PLAGL1: variants seen among roughly 807,000 people sequenced by gnomAD.
The protein encoded by PLAGL1 is zinc finger protein PLAGL1.
In PLAGL1, 1 loss-of-function variant was observed where a neutral mutation model predicts 4.6. The observed-to-expected ratio is 0.22, with a 90% CI of 0.08 to 1.03. The LOEUF (loss-of-function observed/expected upper bound fraction) is 1.03, where lower values mean the gene tolerates loss of function less well. PLAGL1 is among the 50% of genes least tolerant of loss of function. The pLI is 0.58. For missense variants in PLAGL1, 464 were observed against 570.4 expected (o/e 0.81, Z 1.90); for synonymous variants, 240 against 237.8 (o/e 1.01, Z -0.08).
intron 1 of PLAGL1, among the ~76,000 whole-genome samples, chr6:144,049,143 C>A (rs1350354970): frequency 6.6e-6 from 1 of 152,216 alleles, no homozygotes; most frequent in Non-Finnish European, 1.5e-5. Context: ...TGCTCCAGTT[C>A]CCAAGACTTT....
At position 143,962,643 on chromosome 6, in the gene PLAGL1, C is replaced by G. The variant is rs999814009; in HGVS notation, c.-398-2101G>C. ...CTTCTGAGAACAGCATTTAAGAACC[C>G]GTCTTTTTCTCTCTTAATGAACTGG... On this transcript the variant is annotated intron_variant, in intron 5 of 7. Transcript: ENST00000674357. The surrounding 1 kb of genome is among the most constrained non-coding windows in gnomAD (Gnocchi z 5.3). Among the ~76,000 whole-genome samples the G allele has an allele frequency of 1.3e-5, 2 of 152,174 alleles. No homozygotes were observed. Among genetic ancestry groups the G allele is most frequent in the Admixed American group, 6.5e-5 (1 of 15,272 alleles).
chr6:143,960,925 T>C lies in PLAGL1; in HGVS notation c.-398-383A>G, dbSNP rs1425022899. On this transcript the variant is annotated intron_variant, in intron 5 of 7. Coordinates refer to ENST00000674357, the MANE Select transcript of PLAGL1 (RefSeq NM_001317162.2). This position sits in a 1 kb window ranked among gnomAD's most constrained non-coding sequence, Gnocchi z 5.7. ...AACAGAACCTAAAACAAATTCTGAATTGAAAGAAAGTCAGCAAATAACCAG... is the reference window on the plus strand; with the variant it reads ...AACAGAACCTAAAACAAATTCTGAACTGAAAGAAAGTCAGCAAATAACCAG... 1 of 152,192 alleles carries C rather than the reference T, an allele frequency of 6.6e-6. No homozygotes were observed. Among genetic ancestry groups the C allele is most frequent in the Non-Finnish European group, 1.5e-5 (1 of 68,032 alleles). 9.4% of individuals were successfully genotyped at this position (152,192 alleles called of 1,614,324 possible).
At position 144,022,242 on chromosome 6, in the gene PLAGL1, C is replaced by G. The variant is rs894039812; in HGVS notation, c.-151+42226G>C. On this transcript the variant is annotated intron_variant, in intron 1 of 3. Coordinates refer to the PLAGL1 transcript ENST00000437412. This position sits in a 1 kb window ranked among gnomAD's most constrained non-coding sequence, Gnocchi z 4.2. ...AAAGATGGGCAAAGATCTGAACAGA[C>G]AGCTCACCAGAGGAGATATGTAGAT... 1.3e-5 allele frequency among the ~76,000 whole-genome samples: 2 copies of G among 152,150 alleles called. No individual in the cohort carries two copies. The highest frequency in any genetic ancestry group is 2.4e-5 in the African/African-American group (1 of 41,424).
At position 143,992,371 on chromosome 6, in the gene PLAGL1, G is replaced by A. The variant is rs142225392; in HGVS notation, c.-583-7197C>T. The stretch of plus-strand genomic sequence containing the variant: ...CATAGTCTTCTGCAAGTCCACAGTG[G>A]ATGTTTATTGTAAGCAAAAAATAAA... On this transcript the variant is annotated intron_variant, in intron 1 of 7. Transcript: ENST00000674357. 6.6e-4 allele frequency among the ~76,000 whole-genome samples: 100 copies of A among 152,280 alleles called. No individual in the cohort carries two copies. In the East Asian group the frequency reaches 0.018, roughly 27 times the overall value.
intron 1 of PLAGL1, among the ~76,000 whole-genome samples, chr6:144,038,342 C>T (rs1247654994): frequency 6.6e-6 from 1 of 152,132 alleles, no homozygotes; most frequent in Non-Finnish European, 1.5e-5. Context: ...TCCTAAAATT[C>T]ATATGAAAAT....
At position 144,000,438 on chromosome 6, in the gene PLAGL1, A is replaced by T. The variant is rs1448781076; in HGVS notation, c.-584+7652T>A. Reference sequence around the variant, plus strand: ...ACTAAGAGAAACTATTCACAGTAGCAACAAAAATCATCAGGATCTAGAAAT... The same window carrying T: ...ACTAAGAGAAACTATTCACAGTAGCTACAAAAATCATCAGGATCTAGAAAT... On this transcript the variant is annotated intron_variant, in intron 1 of 7. Coordinates refer to ENST00000674357, the MANE Select transcript of PLAGL1 (RefSeq NM_001317162.2). The surrounding 1 kb of genome is among the most constrained non-coding windows in gnomAD (Gnocchi z 4.1). Among the ~76,000 whole-genome samples, 3 of 152,296 alleles carry T rather than the reference A, an allele frequency of 2.0e-5. No individual in the cohort carries two copies. The South Asian group carries it at 6.2e-4, about 32-fold the overall frequency.
chr6:143,969,736 AG>A (rs1785070820), intron 2 of PLAGL1, among the ~76,000 whole-genome samples: 1 of 151,852 alleles, frequency 6.6e-6, no homozygotes, highest in Non-Finnish European at 1.5e-5. Flanking sequence ...GAGGGTGAAG[AG>A]GGGGAGGGAA....
At chr6:144,029,372 T>C (rs1796625909) in intron 1 of PLAGL1, among the ~76,000 whole-genome samples, 1 of 152,122 alleles carries the variant, frequency 6.6e-6, no homozygotes, top group Admixed American at 6.5e-5. Flanking sequence ...AACAACCTGA[T>C]GGGGTGGGAG....
At chr6:144,043,729 T>G (rs1797914954) in intron 1 of PLAGL1, among the ~76,000 whole-genome samples, 2 of 152,214 alleles carry the variant, frequency 1.3e-5, no homozygotes, top group Non-Finnish European at 2.9e-5. Flanking sequence ...TTTCTATTGA[T>G]TGGAATTGTT....
chr6:144,020,274 C>CTTG (rs1795874462), intron 1 of PLAGL1, among the ~76,000 whole-genome samples: 2 of 151,578 alleles, frequency 1.3e-5, no homozygotes, highest in Admixed American at 1.3e-4. Context: ...TGGACACTTC[C>CTTG]TTGTTTGTTT....
In PLAGL1 at chr6:143,968,451, A is replaced by C. The variant is rs1464281679; in HGVS notation, c.-472+456T>G. On this transcript the variant is annotated intron_variant, in intron 3 of 7. Transcript: ENST00000674357. The surrounding 1 kb of genome is among the most constrained non-coding windows in gnomAD (Gnocchi z 6.3). ...CTAGATATCTGATTCTAAATGGTGG[A>C]CCCTACCTCAGTTTTTTTTTTCCTA... 3 of 149,652 alleles carry C rather than the reference A, an allele frequency of 2.0e-5. No homozygotes were observed. The highest frequency in any genetic ancestry group is 4.5e-5 in the Non-Finnish European group (3 of 67,274). 9.3% of individuals were successfully genotyped at this position (149,652 alleles called of 1,614,324 possible). A position where few individuals can be genotyped will look rare whatever the true frequency, so the allele number is the denominator to read the frequency against.
Position 143,983,863 on chromosome 6 carries a change from C to T in PLAGL1, c.-544+1272G>A, listed in dbSNP as rs547325565. Among the ~76,000 whole-genome samples, 1 of 151,968 alleles carries T rather than the reference C, an allele frequency of 6.6e-6. No homozygotes were observed. The highest frequency in any genetic ancestry group is 2.1e-4 in the South Asian group (1 of 4,804). ...ATTAATGACTAGGCCCACAGTATGA[C>T]TATGGGAGAAAGTTGCTAATGTGGT... On this transcript the variant is annotated intron_variant, in intron 2 of 7. Transcript: ENST00000674357. The surrounding 1 kb of genome is among the most constrained non-coding windows in gnomAD (Gnocchi z 6.6).
chr6:144,062,670 G>C lies in PLAGL1; in HGVS notation c.-151+1798C>G, dbSNP rs369979040. Among the ~76,000 whole-genome samples the C allele has an allele frequency of 4.2e-3, 635 of 152,070 alleles. 4 individuals carry two copies. Among genetic ancestry groups the C allele is most frequent in the African/African-American group, 0.014 (598 of 41,464 alleles). On this transcript the variant is annotated intron_variant, in intron 1 of 3. Coordinates refer to the PLAGL1 transcript ENST00000437412. ...TTCATTTTCTACCTTAGTTATCATC[G>C]TAGCCGGGTTATATTGCAGCCTGTT...
At chr6:144,043,971 G>T (rs1310178995) in intron 1 of PLAGL1, among the ~76,000 whole-genome samples, 1 of 152,182 alleles carries the variant, frequency 6.6e-6, no homozygotes, top group East Asian at 1.9e-4. Flanking sequence ...GCATAGAGGT[G>T]GTTATAGTAT....
upstream of PLAGL1, among the ~76,000 whole-genome samples, chr6:144,012,502 G>T (rs1795258139): frequency 6.6e-6 from 1 of 152,168 alleles, no homozygotes; most frequent in African/African-American, 2.4e-5. This position sits in a 1 kb window ranked among gnomAD's most constrained non-coding sequence, Gnocchi z 4.8. Flanking sequence ...CTCCCAAAGT[G>T]CTGGGATTAC....
chr6:144,017,890 C>T (rs1302211280), intron 1 of PLAGL1, among the ~76,000 whole-genome samples: 1 of 152,188 alleles, frequency 6.6e-6, no homozygotes, highest in Non-Finnish European at 1.5e-5. Context: ...CAGTAAGACT[C>T]TCCAGTCTCC....
chr6:144,022,587 G>A lies in PLAGL1; in HGVS notation c.-151+41881C>T, dbSNP rs1164678319. Among the ~76,000 whole-genome samples the A allele has an allele frequency of 6.6e-6, 1 of 152,144 alleles. No homozygotes were observed. Among genetic ancestry groups the A allele is most frequent in the Non-Finnish European group, 1.5e-5 (1 of 68,018 alleles). On this transcript the variant is annotated intron_variant, in intron 1 of 3. Coordinates refer to the PLAGL1 transcript ENST00000437412. This position sits in a 1 kb window ranked among gnomAD's most constrained non-coding sequence, Gnocchi z 4.2. ...TGTGTTGTGGGAGGGATCTGGTGCTGGTAATTGAATCATGGGGACAGGTCT... is the reference window on the plus strand; with the variant it reads ...TGTGTTGTGGGAGGGATCTGGTGCTAGTAATTGAATCATGGGGACAGGTCT...
In PLAGL1 at chr6:143,990,469, A is replaced by G. The variant is rs1182929084; in HGVS notation, c.-583-5295T>C. On this transcript the variant is annotated intron_variant, in intron 1 of 7. Coordinates refer to ENST00000674357, the MANE Select transcript of PLAGL1 (RefSeq NM_001317162.2). The surrounding 1 kb of genome is among the most constrained non-coding windows in gnomAD (Gnocchi z 5.4). ...AAACCTTCATTGACCTCCTGGTCCC[A>G]CTATACTCCCACCCTTTCTCAGACA... Among the ~76,000 whole-genome samples, 23 of 152,164 alleles carry G rather than the reference A, an allele frequency of 1.5e-4. No individual in the cohort carries two copies.
intron 1 of PLAGL1, among the ~76,000 whole-genome samples, chr6:143,999,542 T>A (rs1021415167): frequency 6.6e-6 from 1 of 152,236 alleles, no homozygotes; most frequent in African/African-American, 2.4e-5. Flanking sequence ...GCAAGAGCTA[T>A]CTCTATCTCC....
Sources: allele counts gnomAD v4.1 joint callset (sites outside exome capture counted in the v4.1 genomes callset), GRCh38; gene constraint gnomAD v4.1.1; non-coding constraint Gnocchi (gnomAD v3.1); transcripts MANE v1.5; gene names NCBI Gene and HGNC (gene_info 2026-07-23, HGNC 2026-07-21).